The following OSBP2 variants were observed in gnomAD, a reference collection of about 807,000 sequenced individuals.
OSBP2 encodes the protein oxysterol-binding protein 2.
OSBP2 carries 66 observed loss-of-function variants against 96.0 expected under a neutral mutation model. The observed-to-expected ratio is 0.69, with a 90% CI of 0.56 to 0.84. OSBP2 has a LOEUF of 0.84. Among genes scored for constraint, OSBP2 ranks in the 40% least tolerant of loss-of-function variants. OSBP2 has a pLI of 0.00. For missense variants in OSBP2, 1,038 were observed against 1,222.7 expected, an observed-to-expected ratio of 0.85 and a Z score of 2.25; for synonymous variants, 525 against 520.9, an observed-to-expected ratio of 1.01 and a Z score of -0.11.
chr22:30,702,377 G>A (rs1037800501), intron 1 of OSBP2, among the ~76,000 whole-genome samples: 25 of 152,144 alleles, frequency 1.6e-4, no homozygotes, highest in Non-Finnish European at 3.7e-4. Flanking sequence ...AGTTTGGCAG[G>A]CTGAGGCAGG....
intron 12 of OSBP2, among the ~76,000 whole-genome samples, chr22:30,897,487 C>T (rs2040091162): frequency 6.6e-6 from 1 of 152,132 alleles, no homozygotes; most frequent in Non-Finnish European, 1.5e-5. Flanking sequence ...TAGAGCGTAG[C>T]ATACAGACCA....
At position 30,785,561 on chromosome 22, in the gene OSBP2, C is replaced by T. The variant is rs576593864; in HGVS notation, c.853+44192C>T. ...CAGTGTGGGTGACAGAGTGAGACTTCGTCTCAAAAAAAAAAAAAAAAACAG... is the reference window on the plus strand; with the variant it reads ...CAGTGTGGGTGACAGAGTGAGACTTTGTCTCAAAAAAAAAAAAAAAAACAG... On this transcript the variant is annotated intron_variant, in intron 2 of 13. Transcript: ENST00000332585. Among the ~76,000 whole-genome samples, 470 of 117,080 alleles carry T rather than the reference C, an allele frequency of 4.0e-3. 1 individual carries two copies. Among genetic ancestry groups the T allele is most frequent in the Non-Finnish European group, 6.2e-3 (372 of 59,702 alleles). 76.8% of individuals were successfully genotyped at this position (117,080 alleles called of 152,430 possible). A position where few individuals can be genotyped will look rare whatever the true frequency, so the allele number is the denominator to read the frequency against.
chr22:30,876,387 C>T (rs147924165), intron 3 of OSBP2, among the ~76,000 whole-genome samples: 1 of 152,364 alleles, frequency 6.6e-6, no homozygotes, highest in Non-Finnish European at 1.5e-5. Flanking sequence ...GGCTTGTCAA[C>T]TGTGTGGGTG....
Position 30,907,331 on chromosome 22 carries a change from A to G in OSBP2, c.*992A>G, listed in dbSNP as rs547566462. The G allele has an allele frequency of 3.0e-3, 457 of 151,036 alleles. No homozygotes were observed. Among genetic ancestry groups the G allele is most frequent in the Non-Finnish European group, 4.3e-3 (292 of 67,738 alleles). The allele number at this position is 151,036 out of a possible 1,614,324, so 9.4% of individuals were successfully genotyped here. A position where few individuals can be genotyped will look rare whatever the true frequency, so the allele number is the denominator to read the frequency against. On this transcript the variant is annotated 3_prime_UTR_variant, in exon 14 of 14. Coordinates refer to ENST00000332585, the MANE Select transcript of OSBP2 (RefSeq NM_030758.4). ...ATTTGCCTAATTTATATATATATAT[A>G]TGAGATATATAAATATATATAAAAT...
chr22:30,738,264 C>G (rs913202451), intron 1 of OSBP2, among the ~76,000 whole-genome samples: 1 of 152,094 alleles, frequency 6.6e-6, no homozygotes, highest in Non-Finnish European at 1.5e-5. Flanking sequence ...GTCCGGAACA[C>G]TGCCCATCCC....
chr22:30,753,656 C>G (rs1008223911), intron 2 of OSBP2, among the ~76,000 whole-genome samples: 2 of 152,190 alleles, frequency 1.3e-5, no homozygotes, highest in African/African-American at 4.8e-5. Flanking sequence ...GGTCAGCAGC[C>G]ACCACAGAGC....
rs534594934 is a variant in OSBP2, at chr22:30,850,148, A to G, written c.854-20281A>G. Among the ~76,000 whole-genome samples the G allele has an allele frequency of 2.3e-3, 352 of 152,120 alleles. 1 individual carries two copies. The highest frequency in any genetic ancestry group is 7.8e-3 in the African/African-American group (322 of 41,494). On this transcript the variant is annotated intron_variant, in intron 2 of 13. Coordinates refer to ENST00000332585, the MANE Select transcript of OSBP2 (RefSeq NM_030758.4). ...TGAAACCCCATTCTCTACTAAAAAT[A>G]CAAAAAAATTAGCCGGGCATGGTGC...
intron 1 of OSBP2, among the ~76,000 whole-genome samples, chr22:30,703,372 C>T (rs1005759839): frequency 2.6e-5 from 4 of 151,990 alleles, no homozygotes; most frequent in Admixed American, 2.6e-4. Context: ...TGGGGTTTCA[C>T]CATGTTGGCC....
intron 2 of OSBP2, among the ~76,000 whole-genome samples, chr22:30,762,427 A>G (rs1021706063): frequency 6.6e-6 from 1 of 151,770 alleles, no homozygotes; most frequent in Non-Finnish European, 1.5e-5. Context: ...GGGCGCCTGT[A>G]GTCCCAGCTA....
At chr22:30,722,671 CTCTT>C (rs778932390) in intron 1 of OSBP2, among the ~76,000 whole-genome samples, 33 of 149,450 alleles carry the variant, frequency 2.2e-4, no homozygotes, top group Admixed American at 3.3e-4. Context: ...CTCTCTTTTT[CTCTT>C]TCTTTCTTTT....
chr22:30,780,948 G>A (rs190029021), intron 2 of OSBP2, among the ~76,000 whole-genome samples: 1 of 152,166 alleles, frequency 6.6e-6, no homozygotes, highest in Admixed American at 6.5e-5. Flanking sequence ...AAGGTTCTGT[G>A]CCTCATGTAC....
intron 1 of OSBP2, among the ~76,000 whole-genome samples, chr22:30,701,348 T>C (rs1275703254): frequency 4.1e-5 from 6 of 147,550 alleles, no homozygotes; most frequent in Admixed American, 1.4e-4. Flanking sequence ...TCTTTTCTTT[T>C]TTTTTTTTTT....
At chr22:30,834,916 A>G (rs2038601971) in intron 2 of OSBP2, among the ~76,000 whole-genome samples, 1 of 151,860 alleles carries the variant, frequency 6.6e-6, no homozygotes, top group African/African-American at 2.4e-5. Flanking sequence ...CCTGGGTTCA[A>G]GTGATTCTCA....
intron 2 of OSBP2, among the ~76,000 whole-genome samples, chr22:30,833,858 T>C (rs975258237): frequency 6.6e-6 from 1 of 152,328 alleles, no homozygotes; most frequent in Admixed American, 6.5e-5. Flanking sequence ...AAGTATGTTT[T>C]CTATAGTAGG....
Position 30,872,485 on chromosome 22 carries a change from G to C in OSBP2, c.1107+1803G>C, listed in dbSNP as rs562162203. On this transcript the variant is annotated intron_variant, in intron 3 of 13. Coordinates refer to ENST00000332585, the MANE Select transcript of OSBP2 (RefSeq NM_030758.4). ...CTGTGTTTACGAAGCCATCAGAACA[G>C]CTCCAAGTTTAAGTGCCTAATGAAT... 54 of 409,742 alleles carry C rather than the reference G, an allele frequency of 1.3e-4. 1 individual carries two copies. Among genetic ancestry groups the C allele is most frequent in the South Asian group, 8.5e-4 (48 of 56,164 alleles). The allele number at this position is 409,742 out of a possible 1,614,324, so 25.4% of individuals were successfully genotyped here.
chr22:30,756,495 C>T (rs960461963), intron 2 of OSBP2, among the ~76,000 whole-genome samples: 1 of 152,142 alleles, frequency 6.6e-6, no homozygotes, highest in Admixed American at 6.5e-5. Flanking sequence ...GAGTTCCAGA[C>T]CAGCCTGACC....
intron 2 of OSBP2, among the ~76,000 whole-genome samples, chr22:30,749,323 G>A (rs1240562604): frequency 6.6e-6 from 1 of 152,158 alleles, no homozygotes; most frequent in Non-Finnish European, 1.5e-5. Flanking sequence ...ATTTCCATAA[G>A]TTCTGAGTCT....
At chr22:30,884,319 G>A (rs1467777519) in intron 3 of OSBP2, among the ~76,000 whole-genome samples, 1 of 152,180 alleles carries the variant, frequency 6.6e-6, no homozygotes, top group Non-Finnish European at 1.5e-5. Context: ...TTTGCCGGAT[G>A]AGCGGAGACA....
At chr22:30,808,421 C>T (rs1312882851) in intron 2 of OSBP2, among the ~76,000 whole-genome samples, 1 of 152,130 alleles carries the variant, frequency 6.6e-6, no homozygotes. Context: ...GTGGGAGGAA[C>T]ACTTGAGCTC....
Sources: gnomAD v4.1 joint callset for allele counts (sites outside exome capture counted in the v4.1 genomes callset) on GRCh38, gnomAD v4.1.1 for gene constraint, MANE v1.5 for transcripts, NCBI Gene and HGNC (gene_info 2026-07-23, HGNC 2026-07-21) for gene names.